NECTIN3: variants seen among roughly 807,000 people sequenced by gnomAD.
NECTIN3 encodes nectin-3.
NECTIN3 carries 8 observed loss-of-function variants against 49.4 expected under a neutral mutation model. The observed-to-expected ratio is 0.16, with a 90% CI of 0.10 to 0.29. NECTIN3 has a LOEUF of 0.29. Ranked by LOEUF, NECTIN3 falls within the 10% of genes least tolerant of loss-of-function variation. The pLI is 1.00. For missense variants in NECTIN3, 581 were observed against 654.6 expected (o/e 0.89, Z 1.23); for synonymous variants, 277 against 241.1 (o/e 1.15, Z -1.38).
intron 7 of NECTIN3, among the ~76,000 whole-genome samples, chr3:111,166,924 G>A (rs921293208): frequency 6.6e-6 from 1 of 152,196 alleles, no homozygotes; most frequent in African/African-American, 2.4e-5. Context: ...TAGGTAGGTA[G>A]GTAGGTAGGT....
chr3:111,175,775 T>A lies in NECTIN3; in HGVS notation c.1222-16576T>A, dbSNP rs184371036. 4.3e-3 allele frequency among the ~76,000 whole-genome samples: 656 copies of A among 152,200 alleles called. 5 individuals carry two copies. The highest frequency in any genetic ancestry group is 0.015 in the African/African-American group (618 of 41,546). ...TGCTTCAGTAACAGCCTCTGATGGC[T>A]CCCAAGGAGGTCTCCATAAGTATTA... On this transcript the variant is annotated intron_variant, in intron 7 of 8. Coordinates refer to the NECTIN3 transcript ENST00000493615.
At position 111,136,712 on chromosome 3, in the gene NECTIN3, TTA is replaced by T. The variant is rs1230900497; in HGVS notation, c.*2501_*2502del. On this transcript the variant is annotated 3_prime_UTR_variant, in exon 6 of 6. Coordinates refer to ENST00000485303, the MANE Select transcript of NECTIN3 (RefSeq NM_015480.3). ...ATATTTGTACTATTTTTGGCCATAT[TTA>T]TATTTATTTCTTTCATATGGTTTGA... is the stretch of plus-strand genomic sequence containing the variant. The T allele has an allele frequency of 2.6e-5, 24 of 917,618 alleles. No individual in the cohort carries two copies. The highest frequency in any genetic ancestry group is 2.7e-5 in the Non-Finnish European group (21 of 768,676). The allele number at this position is 917,618 out of a possible 1,614,324, so 56.8% of individuals were successfully genotyped here.
At chr3:111,081,269 A>G (rs2031586443) in intron 1 of NECTIN3, among the ~76,000 whole-genome samples, 1 of 152,242 alleles carries the variant, frequency 6.6e-6, no homozygotes, top group Non-Finnish European at 1.5e-5. Context: ...CAACAGGGCA[A>G]GACTCTGTTT....
At chr3:111,087,400 C>A (rs955737772) in intron 1 of NECTIN3, among the ~76,000 whole-genome samples, 3 of 152,116 alleles carry the variant, frequency 2.0e-5, no homozygotes, top group Non-Finnish European at 4.4e-5. Context: ...CGCCTGTAAT[C>A]CCAGCACTTT....
intron 1 of NECTIN3, among the ~76,000 whole-genome samples, chr3:111,111,708 T>A (rs1044018712): frequency 6.6e-6 from 1 of 152,192 alleles, no homozygotes; most frequent in African/African-American, 2.4e-5. Flanking sequence ...GAGGAAGGAT[T>A]GTACTTCCAA....
At chr3:111,148,562 T>A (rs2034931648) in intron 7 of NECTIN3, among the ~76,000 whole-genome samples, 1 of 152,212 alleles carries the variant, frequency 6.6e-6, no homozygotes, top group Admixed American at 6.5e-5. Flanking sequence ...TATTTTGTTT[T>A]GTTTTGGTTT....
chr3:111,133,155 A>T (rs2034452308), intron 5 of NECTIN3, among the ~76,000 whole-genome samples: 1 of 151,922 alleles, frequency 6.6e-6, no homozygotes, highest in Admixed American at 6.6e-5. Flanking sequence ...AAACCATATT[A>T]TTAATAGGTA....
At chr3:111,149,255 T>C (rs969992466) in intron 7 of NECTIN3, among the ~76,000 whole-genome samples, 9 of 152,128 alleles carry the variant, frequency 5.9e-5, no homozygotes, top group Non-Finnish European at 1.2e-4. Flanking sequence ...TATAATATGA[T>C]TTGATATTCA....
At chr3:111,090,611 T>C (rs2032210332) in intron 1 of NECTIN3, among the ~76,000 whole-genome samples, 1 of 149,210 alleles carries the variant, frequency 6.7e-6, no homozygotes, top group South Asian at 2.1e-4. Flanking sequence ...TCATAAGGCA[T>C]TTTGCATCTT....
intron 1 of NECTIN3, among the ~76,000 whole-genome samples, chr3:111,084,397 A>G (rs918524377): frequency 1.3e-5 from 2 of 152,220 alleles, no homozygotes; most frequent in African/African-American, 2.4e-5. Flanking sequence ...TGGAGGCAGT[A>G]GTAAGTTTAT....
chr3:111,140,229 A>G (rs1455966418), downstream of NECTIN3, among the ~76,000 whole-genome samples: 7 of 151,890 alleles, frequency 4.6e-5, no homozygotes, highest in Admixed American at 2.0e-4. Flanking sequence ...TGGTTGTTCA[A>G]TGTCTTGCTA....
intron 1 of NECTIN3, among the ~76,000 whole-genome samples, chr3:111,082,417 G>A (rs1441938902): frequency 2.0e-5 from 3 of 152,072 alleles, no homozygotes; most frequent in Non-Finnish European, 2.9e-5. Flanking sequence ...TGGAGAGAGG[G>A]AAGGGAATAG....
chr3:111,140,292 G>C (rs1443072576), downstream of NECTIN3, among the ~76,000 whole-genome samples: 1 of 151,380 alleles, frequency 6.6e-6, no homozygotes, highest in Non-Finnish European at 1.5e-5. Context: ...TATAGGTTTA[G>C]TGTGAGGTTT....
intron 1 of NECTIN3, among the ~76,000 whole-genome samples, chr3:111,076,125 T>C (rs1256594665): frequency 6.6e-6 from 1 of 152,124 alleles, no homozygotes; most frequent in African/African-American, 2.4e-5. Context: ...CTTGTTTATG[T>C]CACTTATACT....
intron 7 of NECTIN3, among the ~76,000 whole-genome samples, chr3:111,184,220 G>A (rs554712565): frequency 1.3e-5 from 2 of 151,946 alleles, no homozygotes; most frequent in African/African-American, 2.4e-5. Flanking sequence ...CTCTCATGTT[G>A]TGTTCATGTT....
At chr3:111,139,697 A>C (rs2107503259), downstream of NECTIN3, among the ~76,000 whole-genome samples, 1 of 151,732 alleles carries the variant, frequency 6.6e-6, no homozygotes, top group African/African-American at 2.4e-5. Context: ...ATCTATCATA[A>C]CCTCACATCT....
At chr3:111,093,332 G>A (rs2032383935) in intron 1 of NECTIN3, among the ~76,000 whole-genome samples, 1 of 151,992 alleles carries the variant, frequency 6.6e-6, no homozygotes, top group African/African-American at 2.4e-5. Flanking sequence ...TATTGATAAT[G>A]TGCACATTTC....
chr3:111,180,510 C>T (rs911608878), intron 7 of NECTIN3, among the ~76,000 whole-genome samples: 4 of 152,002 alleles, frequency 2.6e-5, no homozygotes, highest in South Asian at 4.1e-4. Context: ...GAAACAAAGT[C>T]GACCTCTCTC....
chr3:111,118,257 T>TATATATATATATA (rs2033782072), intron 2 of NECTIN3, among the ~76,000 whole-genome samples: 1 of 118,484 alleles, frequency 8.4e-6, no homozygotes, highest in African/African-American at 3.1e-5. Flanking sequence ...GCTATATATA[T>TATATATATATATA]ATATATATAT....
Sources: allele counts gnomAD v4.1 joint callset (sites outside exome capture counted in the v4.1 genomes callset), GRCh38; gene constraint gnomAD v4.1.1; transcripts MANE v1.5; gene names NCBI Gene and HGNC (gene_info 2026-07-23, HGNC 2026-07-21).